PSG2: variants seen among roughly 807,000 people sequenced by gnomAD.
PSG2 encodes pregnancy specific beta-1-glycoprotein 2.
A neutral mutation model predicts 36.2 loss-of-function variants in PSG2; 49 were observed. The ratio of observed to expected loss-of-function variants is 1.35; its 90% confidence interval spans 1.08 to 1.72. The LOEUF (loss-of-function observed/expected upper bound fraction) is 1.72. Among genes scored for constraint, PSG2 ranks in the 40% most tolerant of loss-of-function variants. The probability of loss-of-function intolerance (pLI) is 0.00; values close to 1 mark genes in which losing one functional copy is unlikely to be tolerated. For missense variants in PSG2, 605 were observed against 407.2 expected (o/e 1.49, Z -4.18); for synonymous variants, 261 against 155.6 (o/e 1.68, Z -5.04).
intron 4 of PSG2, among the ~76,000 whole-genome samples, chr19:43,071,146 G>C (rs1402026960): frequency 1.3e-5 from 2 of 150,606 alleles, no homozygotes; most frequent in Non-Finnish European, 2.9e-5. Context: ...AGTCCACAAG[G>C]GGTCTTTCTC....
In PSG2 at chr19:43,081,252, A is replaced by T. The variant is rs7248679; in HGVS notation, c.65-6T>A. The T allele has an allele frequency of 0.11, 170,646 of 1,600,634 alleles. 10,215 individuals are homozygous for T. The highest frequency in any genetic ancestry group is 0.18 in the Admixed American group (10,619 of 59,248). On this transcript the variant is annotated splice_region_variant and splice_polypyrimidine_tract_variant and intron_variant, in intron 1 of 5. Coordinates refer to ENST00000406487, the MANE Select transcript of PSG2 (RefSeq NM_031246.4). ...CCAGAAGTTTAAAAGTGATGCTAGG[A>T]GGTGGAGAGAGCATCAGACAATATT...
intron 4 of PSG2, among the ~76,000 whole-genome samples, chr19:43,071,360 G>T (rs1274358524): frequency 2.6e-5 from 4 of 151,520 alleles, no homozygotes; most frequent in Non-Finnish European, 5.9e-5. Context: ...AAAAAGACGT[G>T]GCAGAAGGGG....
chr19:43,082,193 T>A (rs1420027136), intron 1 of PSG2: 1 of 234,558 alleles, frequency 4.3e-6, no homozygotes, highest in African/African-American at 2.5e-5. Flanking sequence ...CAGGCTGGTA[T>A]GCAGTGGCGC....
intron 4 of PSG2, among the ~76,000 whole-genome samples, chr19:43,066,897 A>G (rs760762581): frequency 1.4e-4 from 21 of 147,420 alleles, no homozygotes; most frequent in Admixed American, 4.1e-4. Context: ...AACTTGCCAC[A>G]TTTTCACCTT....
intron 4 of PSG2, among the ~76,000 whole-genome samples, chr19:43,067,638 G>T (rs1158057060): frequency 1.3e-5 from 2 of 151,200 alleles, no homozygotes; most frequent in South Asian, 4.2e-4. Context: ...GTGTCATATG[G>T]CTAGTGACAG....
In PSG2 at chr19:43,081,043, T is replaced by C. The variant is rs745912281; in HGVS notation, c.268A>G (p.Ile90Val). The change falls in exon 2 of 6, where the codon ATA becomes GTA. Residue 90 changes from isoleucine to valine, a missense_variant. Transcript: ENST00000406487. ...CGTCCACTATATGCAGGCCCATATATAATTATTTGACCGTCTACTACATAT... is the reference window on the plus strand; with the variant it reads ...CGTCCACTATATGCAGGCCCATATACAATTATTTGACCGTCTACTACATAT... The part of the protein sequence containing the change: ...TSYVVDGQII[I>V]YGPAYSGRET... 20 of 1,612,932 alleles carry C rather than the reference T, an allele frequency of 1.2e-5. No homozygotes were observed. The highest frequency in any genetic ancestry group is 1.7e-5 in the Admixed American group (1 of 59,954).
intron 4 of PSG2, among the ~76,000 whole-genome samples, chr19:43,071,054 T>G (rs1311836974): frequency 6.6e-6 from 1 of 151,548 alleles, no homozygotes; most frequent in African/African-American, 2.4e-5. Context: ...GCCCTGAGGC[T>G]CCTTCTCTTC....
rs1058404 is a variant in PSG2 at position 43,064,507 on chromosome 19, T to C, written c.*135A>G. ...TTCATGAAGGTATCAGCCTGTTCAT[T>C]AAAATTTTGAAAGTTCTTAGTCCAG... On this transcript the variant is annotated 3_prime_UTR_variant, in exon 6 of 6. Transcript: ENST00000406487. 1.2e-5 allele frequency: 7 copies of C among 593,422 alleles called. No homozygotes were observed. Among genetic ancestry groups the C allele is most frequent in the Non-Finnish European group, 2.2e-5 (7 of 322,738 alleles). The allele number at this position is 593,422 out of a possible 1,614,324, so 36.8% of individuals were successfully genotyped here.
chr19:43,074,830 A>G (rs1449178613), intron 3 of PSG2, among the ~76,000 whole-genome samples: 1 of 151,630 alleles, frequency 6.6e-6, no homozygotes, highest in Non-Finnish European at 1.5e-5. Context: ...GATTGCTGGA[A>G]CTTCCCATCA....
chr19:43,067,101 G>A (rs1401374487), intron 4 of PSG2, among the ~76,000 whole-genome samples: 1 of 151,326 alleles, frequency 6.6e-6, no homozygotes, highest in Non-Finnish European at 1.5e-5. Flanking sequence ...AGTTCTCCGA[G>A]GCTCTCTTTA....
intron 2 of PSG2, among the ~76,000 whole-genome samples, chr19:43,079,023 C>T (rs1215846306): frequency 6.6e-6 from 1 of 151,604 alleles, no homozygotes; most frequent in Non-Finnish European, 1.5e-5. Flanking sequence ...TTTCCTATTT[C>T]CTGGGAGGTT....
At chr19:43,065,297 A>G (rs1365911504) in intron 5 of PSG2, among the ~76,000 whole-genome samples, 1 of 151,730 alleles carries the variant, frequency 6.6e-6, no homozygotes, top group African/African-American at 2.4e-5. Flanking sequence ...TTCTTGGTGT[A>G]GCCCATTCAT....
At chr19:43,081,345 T>A in intron 1 of PSG2, 99 bp from the exon 2 acceptor site, 2 of 1,286,950 alleles carry the variant, frequency 1.6e-6, no homozygotes, top group Non-Finnish European at 2.1e-6. Flanking sequence ...ATCCTCAGCC[T>A]TGAAGACACA....
intron 1 of PSG2, 139 bp downstream of exon 1, chr19:43,082,367 C>G: frequency 7.4e-7 from 1 of 1,359,228 alleles, no homozygotes; most frequent in Non-Finnish European, 1.0e-6. Context: ...ACCTTGAACT[C>G]CTGATCTCGT....
chr19:43,065,238 A>C (rs1967724275), intron 5 of PSG2, among the ~76,000 whole-genome samples: 1 of 151,618 alleles, frequency 6.6e-6, no homozygotes, highest in African/African-American at 2.4e-5. Flanking sequence ...AATATATAAA[A>C]TAAGGTGGCT....
At chr19:43,082,260 C>T in intron 1 of PSG2, 1 of 492,578 alleles carries the variant, frequency 2.0e-6, no homozygotes, top group Non-Finnish European at 3.4e-6. Flanking sequence ...CCTGCCACAG[C>T]CTCCTGAGTA....
Position 43,082,431 on chromosome 19 carries a change from C to T in PSG2, c.64+75G>A, listed in dbSNP as rs961555497. The T allele has an allele frequency of 3.2e-6, 5 of 1,580,114 alleles. No homozygotes were observed. The African/African-American group carries it at 5.5e-5, about 17-fold the overall frequency. Reference sequence around the variant, plus strand: ...CTGGCTTCTTTCATTTTTTAGAACCCCATCCTCTCCAGGAGACCCCATCCA... The same window carrying T: ...CTGGCTTCTTTCATTTTTTAGAACCTCATCCTCTCCAGGAGACCCCATCCA... On this transcript the variant is annotated intron_variant, in intron 1 of 5. Coordinates refer to ENST00000406487, the MANE Select transcript of PSG2 (RefSeq NM_031246.4).
chr19:43,068,147 A>T (rs996872213), intron 4 of PSG2, among the ~76,000 whole-genome samples: 8 of 151,550 alleles, frequency 5.3e-5, no homozygotes, highest in Non-Finnish European at 1.2e-4. Context: ...ATCAGAAATG[A>T]AAATGGACTC....
Position 43,071,971 on chromosome 19 carries a change from A to G in PSG2, c.710-17T>C, listed in dbSNP as rs763376544. 3 of 1,610,536 alleles carry G rather than the reference A, an allele frequency of 1.9e-6. No homozygotes were observed. The highest frequency in any genetic ancestry group is 1.7e-5 in the Admixed American group (1 of 59,852). On this transcript the variant is annotated splice_polypyrimidine_tract_variant and intron_variant, in intron 3 of 5. Transcript: ENST00000406487. ...CTGGACCATCTGGAGCAAAGAGAAT[A>G]AAGCCACAGGTGATGCCATCTGAGG...
Sources: allele counts gnomAD v4.1 joint callset (sites outside exome capture counted in the v4.1 genomes callset), GRCh38; gene constraint gnomAD v4.1.1; transcripts MANE v1.5; gene names NCBI Gene and HGNC (gene_info 2026-07-23, HGNC 2026-07-21).